The following ANKS1B variants were observed in gnomAD, a reference collection of about 807,000 sequenced individuals.
ANKS1B encodes ankyrin repeat and sterile alpha motif domain-containing protein 1B.
A neutral mutation model predicts 148.3 loss-of-function variants in ANKS1B; 36 were observed. The observed-to-expected ratio is 0.24, with a 90% CI of 0.19 to 0.32. The LOEUF (loss-of-function observed/expected upper bound fraction) is 0.32. ANKS1B is among the 10% of genes least tolerant of loss of function. ANKS1B has a pLI of 1.00. For missense variants in ANKS1B, 1,157 were observed against 1,542.6 expected, an observed-to-expected ratio of 0.75 and a Z score of 4.19; for synonymous variants, 542 against 560.8, an observed-to-expected ratio of 0.97 and a Z score of 0.47.
intron 1 of ANKS1B, among the ~76,000 whole-genome samples, chr12:99,935,927 A>G (rs1375162023): frequency 6.6e-6 from 1 of 152,186 alleles, no homozygotes; most frequent in Admixed American, 6.5e-5. Flanking sequence ...TAATTGACTC[A>G]CAGTTCCGCA....
At chr12:99,599,264 A>G (rs930875673) in intron 9 of ANKS1B, among the ~76,000 whole-genome samples, 1 of 152,102 alleles carries the variant, frequency 6.6e-6, no homozygotes, top group African/African-American at 2.4e-5. Context: ...GTCTATCACA[A>G]CAGTGATAGG....
chr12:99,454,219 T>G (rs1458059572), intron 10 of ANKS1B, among the ~76,000 whole-genome samples: 1 of 152,194 alleles, frequency 6.6e-6, no homozygotes, highest in Non-Finnish European at 1.5e-5. Context: ...AAAATTGCCT[T>G]TGTAAAAGAT....
intron 12 of ANKS1B, among the ~76,000 whole-genome samples, chr12:99,286,626 G>C (rs2154004376): frequency 6.6e-6 from 1 of 152,246 alleles, no homozygotes; most frequent in East Asian, 1.9e-4. Flanking sequence ...TCCAGGCCTT[G>C]GTTCTTAGAT....
intron 1 of ANKS1B, among the ~76,000 whole-genome samples, chr12:99,962,855 C>A (rs2095433201): frequency 6.6e-6 from 1 of 150,388 alleles, no homozygotes; most frequent in African/African-American, 2.4e-5. Context: ...GCTCTGTCGC[C>A]CAGGCTGGAG....
At chr12:99,770,564 T>C (rs970197444) in intron 8 of ANKS1B, among the ~76,000 whole-genome samples, 2 of 152,186 alleles carry the variant, frequency 1.3e-5, no homozygotes, top group African/African-American at 2.4e-5. Flanking sequence ...GTCAAAGTAA[T>C]TTGATTACTT....
chr12:99,890,271 T>C (rs1445128011), intron 1 of ANKS1B, among the ~76,000 whole-genome samples: 1 of 152,196 alleles, frequency 6.6e-6, no homozygotes, highest in Non-Finnish European at 1.5e-5. Flanking sequence ...AGTAGACTTT[T>C]AGTAAATTAG....
At chr12:99,593,833 T>A (rs1465701546) in intron 9 of ANKS1B, among the ~76,000 whole-genome samples, 2 of 152,122 alleles carry the variant, frequency 1.3e-5, no homozygotes, top group African/African-American at 4.8e-5. Flanking sequence ...TGACATTTCC[T>A]CCATGGTAAA....
chr12:98,753,070 T>A (rs2098134933), intron 25 of ANKS1B, among the ~76,000 whole-genome samples: 1 of 152,126 alleles, frequency 6.6e-6, no homozygotes, highest in Non-Finnish European at 1.5e-5. Flanking sequence ...CACTCTATAT[T>A]TTATCATGAA....
chr12:99,769,120 G>A (rs2062959207), intron 8 of ANKS1B, among the ~76,000 whole-genome samples: 2 of 151,912 alleles, frequency 1.3e-5, no homozygotes. Flanking sequence ...TGCAGAAGTA[G>A]GCTGGACATT....
intron 10 of ANKS1B, among the ~76,000 whole-genome samples, chr12:99,457,520 G>A (rs749433470): frequency 1.3e-5 from 2 of 152,106 alleles, no homozygotes; most frequent in Non-Finnish European, 2.9e-5. Context: ...AGTATCTGCT[G>A]TCTTCAAGAG....
At chr12:99,962,591 T>C (rs778881144) in intron 1 of ANKS1B, among the ~76,000 whole-genome samples, 1 of 152,164 alleles carries the variant, frequency 6.6e-6, no homozygotes, top group Non-Finnish European at 1.5e-5. Context: ...GGTCAAATGG[T>C]ATTTCTGGTT....
intron 11 of ANKS1B, among the ~76,000 whole-genome samples, chr12:99,441,536 T>C (rs2095550511): frequency 6.6e-6 from 1 of 151,928 alleles, no homozygotes; most frequent in Admixed American, 6.6e-5. Context: ...AGTAGCCTAA[T>C]TGAAGTTATA....
At chr12:98,787,032 A>G (rs1449753609) in intron 22 of ANKS1B, among the ~76,000 whole-genome samples, 1 of 152,312 alleles carries the variant, frequency 6.6e-6, no homozygotes, top group East Asian at 1.9e-4. Flanking sequence ...TATCTTCCTT[A>G]GTTAGATTCA....
Position 98,751,621 on chromosome 12 carries a change from T to C in ANKS1B, c.3580-99A>G, listed in dbSNP as rs2098092321. On this transcript the variant is annotated intron_variant, in intron 25 of 26. Transcript: ENST00000683438. The surrounding 1 kb of genome is among the most constrained non-coding windows in gnomAD (Gnocchi z 4.3). Reference sequence around the variant, plus strand: ...TGAGGGAGGTGAACTAGGGAGGAACTTGAACTACTTCACCAGAGGCAGCAG... The same window carrying C: ...TGAGGGAGGTGAACTAGGGAGGAACCTGAACTACTTCACCAGAGGCAGCAG... 1.8e-6 allele frequency: 2 copies of C among 1,122,838 alleles called. No homozygotes were observed. The highest frequency in any genetic ancestry group is 2.9e-5 in the South Asian group (2 of 69,214). 69.6% of individuals were successfully genotyped at this position (1,122,838 alleles called of 1,614,324 possible).
intron 9 of ANKS1B, chr12:98,735,653 A>G (rs1374292743): frequency 2.6e-6 from 2 of 759,456 alleles, no homozygotes; most frequent in South Asian, 2.8e-5. Context: ...AAGAGAATTC[A>G]TTTATTTATT....
intron 10 of ANKS1B, among the ~76,000 whole-genome samples, chr12:99,452,233 G>C (rs1180258851): frequency 6.6e-6 from 1 of 151,962 alleles, no homozygotes; most frequent in Non-Finnish European, 1.5e-5. Context: ...ACAAAAACAA[G>C]CAGTAGACAA....
chr12:99,977,174 C>T (rs906476179), intron 1 of ANKS1B, among the ~76,000 whole-genome samples: 2 of 152,146 alleles, frequency 1.3e-5, no homozygotes, highest in African/African-American at 4.8e-5. Context: ...AGTAGGGTCT[C>T]ACTCTGTCAC....
intron 15 of ANKS1B, among the ~76,000 whole-genome samples, chr12:99,147,426 C>T (rs2073509706): frequency 6.6e-6 from 1 of 152,074 alleles, no homozygotes; most frequent in African/African-American, 2.4e-5. Flanking sequence ...TGGGCCAGGT[C>T]ATTAAGGATC....
chr12:99,367,310 T>G (rs1237784595), intron 12 of ANKS1B, among the ~76,000 whole-genome samples: 1 of 152,138 alleles, frequency 6.6e-6, no homozygotes, highest in African/African-American at 2.4e-5. Flanking sequence ...CCTAAAAGAT[T>G]GCTTAATCTC....
Sources: allele counts gnomAD v4.1 joint callset (sites outside exome capture counted in the v4.1 genomes callset), GRCh38; gene constraint gnomAD v4.1.1; non-coding constraint Gnocchi (gnomAD v3.1); transcripts MANE v1.5; gene names NCBI Gene and HGNC (gene_info 2026-07-23, HGNC 2026-07-21).